Variants in CCNL2 observed in about 807,000 individuals in gnomAD.
CCNL2 encodes cyclin L2.
A neutral mutation model predicts 59.1 loss-of-function variants in CCNL2; 28 were observed. That is an observed-to-expected ratio of 0.47 (90% CI 0.35 to 0.65). CCNL2 has a LOEUF of 0.65. CCNL2 is among the 30% of genes least tolerant of loss of function. CCNL2 has a pLI of 0.00. For missense variants in CCNL2, 714 were observed against 717.4 expected, an observed-to-expected ratio of 1.00 and a Z score of 0.05; for synonymous variants, 342 against 288.6, an observed-to-expected ratio of 1.19 and a Z score of -1.88.
intron 8 of CCNL2, chr1:1,388,472 G>A: frequency 2.2e-6 from 1 of 453,018 alleles, no homozygotes; most frequent in Non-Finnish European, 4.4e-6. Context: ...AGTGAGCCGA[G>A]ATCACGCCAC....
intron 3 of CCNL2, 66 bp from the exon 4 acceptor site, chr1:1,395,580 G>A (rs766475642): frequency 6.3e-6 from 10 of 1,597,588 alleles, no homozygotes; most frequent in East Asian, 4.5e-5. Flanking sequence ...AGATCCCGTC[G>A]TTACCTCCAA....
Position 1,399,325 on chromosome 1 carries a change from C to G in CCNL2, c.-19G>C, listed in dbSNP as rs1402845661. On this transcript the variant is annotated 5_prime_UTR_variant, in exon 1 of 11. Transcript: ENST00000400809. ...CCGCCATTTTGTGCCGCCGACTCCC[C>G]TTCGGCTTCTTCCCTCAGGGCGGCT... 7.0e-7 allele frequency: 1 copy of G among 1,432,644 alleles called. No individual in the cohort carries two copies. Among genetic ancestry groups the G allele is most frequent in the Non-Finnish European group, 9.1e-7 (1 of 1,102,868 alleles). The allele number at this position is 1,432,644 out of a possible 1,614,324, so 88.7% of individuals were successfully genotyped here.
chr1:1,392,357 A>G lies in CCNL2; in HGVS notation c.659+1039T>C, dbSNP rs184967896. ...AAAGTATCCATGAAATAATTTAAAG[A>G]TGCACACCTTTTACCAGAGCGTGTC... On this transcript the variant is annotated intron_variant, in intron 5 of 10. Coordinates refer to ENST00000400809, the MANE Select transcript of CCNL2 (RefSeq NM_030937.6). 5 of 1,035,246 alleles carry G rather than the reference A, an allele frequency of 4.8e-6. No homozygotes were observed. The Admixed American group carries it at 2.8e-4, about 57-fold the overall frequency. 64.1% of individuals were successfully genotyped at this position (1,035,246 alleles called of 1,614,324 possible). A position where few individuals can be genotyped will look rare whatever the true frequency, so the allele number is the denominator to read the frequency against.
intron 4 of CCNL2, among the ~76,000 whole-genome samples, chr1:1,393,848 C>A (rs1644873206): frequency 6.6e-6 from 1 of 152,226 alleles, no homozygotes; most frequent in Admixed American, 6.5e-5. Flanking sequence ...CACTTCAGGC[C>A]AGGCACACTG....
intron 8 of CCNL2, chr1:1,389,101 A>G (rs1045233326): frequency 2.4e-5 from 4 of 165,892 alleles, no homozygotes; most frequent in Admixed American, 1.9e-4. Context: ...GGCCGGGTGC[A>G]GTGGCTCATG....
intron 4 of CCNL2, chr1:1,395,170 T>C (rs1364288818): frequency 6.3e-6 from 3 of 474,070 alleles, no homozygotes; most frequent in Admixed American, 7.3e-5. Context: ...ACTTAAATAA[T>C]ACCATTTCCA....
Position 1,395,384 on chromosome 1 carries a change from G to C in CCNL2, c.594+10C>G. 1.2e-6 allele frequency: 2 copies of C among 1,613,786 alleles called. No individual in the cohort carries two copies. The highest frequency in any genetic ancestry group is 3.3e-5 in the Admixed American group (2 of 59,978). On this transcript the variant is annotated intron_variant, in intron 4 of 10. Transcript: ENST00000400809. ...TAGGCGGGCTCGCAGGGCAGGAGCC[G>C]CACACCCACCTTATGAGGATGCTTC...
At chr1:1,388,108 C>A (rs771245776) in intron 8 of CCNL2, 43 bp from the exon 9 acceptor site, 9 of 1,496,246 alleles carry the variant, frequency 6.0e-6, no homozygotes, top group Non-Finnish European at 7.4e-6. Context: ...ACAAAACACT[C>A]TCCCAATAAG....
intron 5 of CCNL2, chr1:1,392,861 C>T (rs1644826409): frequency 6.4e-7 from 1 of 1,557,676 alleles, no homozygotes; most frequent in Non-Finnish European, 8.8e-7. Context: ...TTAAACATGT[C>T]ATAGCACCAG....
At chr1:1,390,394 G>C in intron 7 of CCNL2, 23 bp from the exon 8 acceptor site, 1 of 1,611,374 alleles carries the variant, frequency 6.2e-7, no homozygotes, top group Non-Finnish European at 8.5e-7. Flanking sequence ...GAAGGTGTCC[G>C]TTCAGAACCA....
Position 1,387,042 on chromosome 1 carries a change from G to A in CCNL2, c.*189C>T, listed in dbSNP as rs909937893. On this transcript the variant is annotated 3_prime_UTR_variant, in exon 11 of 11. Coordinates refer to ENST00000400809, the MANE Select transcript of CCNL2 (RefSeq NM_030937.6). ...AGACCGGTCTGAAGCACGTGTCACC[G>A]GTCCCTCAGTTCCATTTCCAAATCC... The A allele has an allele frequency of 2.5e-5, 14 of 564,244 alleles. No homozygotes were observed. The highest frequency in any genetic ancestry group is 5.6e-5 in the African/African-American group (3 of 53,368). 35.0% of individuals were successfully genotyped at this position (564,244 alleles called of 1,614,324 possible).
chr1:1,395,626 T>C (rs1043851236), intron 3 of CCNL2, 112 bp from the exon 4 acceptor site: 53 of 1,461,114 alleles, frequency 3.6e-5, no homozygotes, highest in Admixed American at 3.7e-5. Flanking sequence ...CAACACAACA[T>C]CGCTATGAAG....
chr1:1,398,897 G>C (rs1270485536), intron 1 of CCNL2, 122 bp downstream of exon 1: 1 of 1,430,180 alleles, frequency 7.0e-7, no homozygotes, highest in Non-Finnish European at 9.1e-7. Flanking sequence ...CCGAGGCTGG[G>C]GTCGGGGCAG....
intron 2 of CCNL2, 35 bp from the exon 3 acceptor site, chr1:1,398,377 TC>T: frequency 6.2e-7 from 1 of 1,613,212 alleles, no homozygotes; most frequent in Non-Finnish European, 8.5e-7. Flanking sequence ...CCCATGTTTG[TC>T]CCCAGCCACG....
In CCNL2 at chr1:1,399,232, A is replaced by C; in HGVS notation, c.75T>G (p.Ser25=). The C allele has an allele frequency of 6.3e-7, 1 of 1,594,636 alleles. No homozygotes were observed. Among genetic ancestry groups the C allele is most frequent in the Non-Finnish European group, 8.5e-7 (1 of 1,172,430 alleles). Residue 25 remains serine, a synonymous_variant, in exon 1 of 11, where the codon TCT becomes TCG. Transcript: ENST00000400809. ...CCTGCGACCCTGAGGGTGCGCCCCC[A>C]GATCCCGGGGCGCCGGCCGCTGCCG... ...APAAAAGAPG[S]GGAPSGSQGV... is the part of the protein sequence containing the mutation.
Position 1,387,325 on chromosome 1 carries a change from T to C in CCNL2, c.1469A>G (p.Tyr490Cys), listed in dbSNP as rs768738321. 15 of 1,614,072 alleles carry C rather than the reference T, an allele frequency of 9.3e-6. No homozygotes were observed. Among genetic ancestry groups the C allele is most frequent in the African/African-American group, 1.3e-5 (1 of 75,056 alleles). ...PGKYKKKSHY[Y>C]RDQRRERSRS... ...CGAGCGCTCTCGTCGCTGATCTCTGTAGTAATGACTTTTCTTCTTGTATTT... is the reference window on the plus strand; with the variant it reads ...CGAGCGCTCTCGTCGCTGATCTCTGCAGTAATGACTTTTCTTCTTGTATTT... The change falls in exon 11 of 11, where the codon TAC (tyrosine) becomes TGC (cysteine). Residue 490 changes from tyrosine to cysteine, a missense_variant. This residue lies in a region of CCNL2 where 403 missense variants were observed against 377.7 expected (regional missense o/e 1.07). Transcript: ENST00000400809.
At chr1:1,391,664 C>A in intron 5 of CCNL2, 1 of 710,716 alleles carries the variant, frequency 1.4e-6, no homozygotes. Flanking sequence ...AACATTTCAT[C>A]ACAGTACATT....
Position 1,395,505 on chromosome 1 carries a change from C to A in CCNL2, c.483G>T (p.Val161=), listed in dbSNP as rs2100334805. ...LRQLRDKKKP[V]PLLLDQDYVN... is the part of the protein sequence containing the mutation. ...CATAATCTTGATCCAGTAGTAGAGG[C>A]ACGGGCTTCCTGCCAGAGAGAGAGC... The change falls in exon 4 of 11, where the codon GTG becomes GTT. Residue 161 remains valine (V), a synonymous_variant. Transcript: ENST00000400809. 5 of 1,614,074 alleles carry A rather than the reference C, an allele frequency of 3.1e-6. No individual in the cohort carries two copies. In the African/African-American group the frequency reaches 5.3e-5, roughly 17 times the overall value.
Position 1,398,147 on chromosome 1 carries a change from TTG to T in CCNL2, c.473+84_473+85del, listed in dbSNP as rs749408640. ...ACAGGTTTAGAGCCTCAGGCCTGTA[TTG>T]TGTTATACAAGCCTTACTGTAACTT... On this transcript the variant is annotated intron_variant, in intron 3 of 10. Transcript: ENST00000400809. 43 of 1,295,596 alleles carry T rather than the reference TTG, an allele frequency of 3.3e-5. 1 individual carries two copies. Among genetic ancestry groups the T allele is most frequent in the South Asian group, 1.8e-4 (14 of 79,334 alleles). 80.3% of individuals were successfully genotyped at this position (1,295,596 alleles called of 1,614,324 possible).
Sources: gnomAD v4.1 joint callset for allele counts (sites outside exome capture counted in the v4.1 genomes callset) on GRCh38, gnomAD v4.1.1 for gene constraint, gnomAD v4.1.1 regional missense constraint, MANE v1.5 for transcripts, NCBI Gene and HGNC (gene_info 2026-07-23, HGNC 2026-07-21) for gene names.